Variants in TAOK3 observed in about 807,000 individuals in gnomAD.
TAOK3 encodes the protein serine/threonine-protein kinase TAO3.
A neutral mutation model predicts 120.4 loss-of-function variants in TAOK3; 40 were observed. That is an observed-to-expected ratio of 0.33 (90% CI 0.26 to 0.43). The LOEUF (loss-of-function observed/expected upper bound fraction) is 0.43, where lower values mean the gene tolerates loss of function less well. TAOK3 is among the 20% of genes least tolerant of loss of function. The pLI is 1.00. For synonymous variants in TAOK3, 355 were observed against 387.5 expected (o/e 0.92, Z 0.99); for missense variants, 821 against 1,112.1 (o/e 0.74, Z 3.72).
At chr12:118,172,775 A>G (rs1179306537) in intron 16 of TAOK3, 115 bp from the exon 17 acceptor site, 1 of 965,974 alleles carries the variant, frequency 1.0e-6, no homozygotes, top group South Asian at 1.4e-5. Context: ...AAGCACAGAA[A>G]AGCTTAGTGT....
chr12:118,360,612 G>A (rs1190769641), intron 1 of TAOK3, among the ~76,000 whole-genome samples: 1 of 150,044 alleles, frequency 6.7e-6, no homozygotes, highest in Admixed American at 6.7e-5. Flanking sequence ...TTCAACAAAT[G>A]CTTACTAATT....
intron 2 of TAOK3, among the ~76,000 whole-genome samples, chr12:118,256,285 G>A (rs993731931): frequency 3.9e-5 from 6 of 152,138 alleles, no homozygotes; most frequent in African/African-American, 1.4e-4. Flanking sequence ...TGAAAATGCT[G>A]AGAAATTAGA....
intron 9 of TAOK3, among the ~76,000 whole-genome samples, chr12:118,232,135 T>C (rs974105608): frequency 9.2e-5 from 14 of 152,190 alleles, no homozygotes; most frequent in African/African-American, 2.9e-4. Context: ...AGTATTTACA[T>C]CATGGAAATT....
intron 9 of TAOK3, among the ~76,000 whole-genome samples, chr12:118,215,966 G>A (rs1051963300): frequency 3.3e-5 from 5 of 151,866 alleles, no homozygotes; most frequent in African/African-American, 9.7e-5. Context: ...TTGGGAGGCC[G>A]AGGCCGGCAG....
At chr12:118,159,085 C>T (rs1054853072) in intron 19 of TAOK3, among the ~76,000 whole-genome samples, 42 of 152,312 alleles carry the variant, frequency 2.8e-4, no homozygotes, top group African/African-American at 9.9e-4. Flanking sequence ...TGGGTTCCTG[C>T]AATCTTCCTC....
chr12:118,174,777 C>A (rs992548045), intron 16 of TAOK3, among the ~76,000 whole-genome samples: 2 of 152,022 alleles, frequency 1.3e-5, no homozygotes, highest in South Asian at 4.1e-4. Context: ...ATTTGTCCTG[C>A]CTCAACCTCC....
chr12:118,350,903 G>A (rs1385520221), intron 1 of TAOK3, among the ~76,000 whole-genome samples: 2 of 151,282 alleles, frequency 1.3e-5, no homozygotes, highest in Non-Finnish European at 2.9e-5. Context: ...AAAAGGCCAG[G>A]TGTGGTGGTT....
At chr12:118,197,314 T>C (rs1297545852) in intron 13 of TAOK3, among the ~76,000 whole-genome samples, 1 of 152,180 alleles carries the variant, frequency 6.6e-6, no homozygotes, top group Admixed American at 6.5e-5. Flanking sequence ...TTTTTGTGGA[T>C]CAAATGCAAT....
At chr12:118,235,778 A>C in intron 7 of TAOK3, 107 bp from the exon 8 acceptor site, 2 of 676,932 alleles carry the variant, frequency 3.0e-6, no homozygotes, top group South Asian at 3.9e-5. Context: ...ACGAACAAAC[A>C]AACAAACAAA....
At chr12:118,304,056 G>T (rs2042967243) in intron 1 of TAOK3, among the ~76,000 whole-genome samples, 1 of 152,204 alleles carries the variant, frequency 6.6e-6, no homozygotes, top group South Asian at 2.1e-4. Flanking sequence ...GCTGAAGAGA[G>T]TCTGGCACTG....
At chr12:118,246,625 C>T in intron 3 of TAOK3, 3 of 1,574,596 alleles carry the variant, frequency 1.9e-6, no homozygotes, top group Non-Finnish European at 2.6e-6. Flanking sequence ...CACACTGTCC[C>T]TTGCAAGGTG....
intron 1 of TAOK3, among the ~76,000 whole-genome samples, chr12:118,290,270 C>A (rs573452124): frequency 1.3e-5 from 2 of 152,134 alleles, no homozygotes; most frequent in African/African-American, 4.8e-5. Flanking sequence ...CTTAGTAACT[C>A]CAAGGCCTCA....
chr12:118,257,442 T>A (rs544685548), intron 2 of TAOK3, among the ~76,000 whole-genome samples: 1 of 152,198 alleles, frequency 6.6e-6, no homozygotes, highest in Non-Finnish European at 1.5e-5. Flanking sequence ...TCTTTTTTAT[T>A]TTTTGAAAAA....
chr12:118,369,542 T>C (rs1321564377), intron 1 of TAOK3, among the ~76,000 whole-genome samples: 1 of 152,222 alleles, frequency 6.6e-6, no homozygotes, highest in African/African-American at 2.4e-5. Flanking sequence ...CAGTCAGAAA[T>C]GAGCTAACAA....
intron 3 of TAOK3, chr12:118,246,398 G>A (rs1339812511): frequency 6.4e-7 from 1 of 1,554,588 alleles, no homozygotes; most frequent in South Asian, 1.2e-5. Flanking sequence ...TCAAGGATGA[G>A]GTTTTGAAGA....
chr12:118,170,292 T>C (rs1032950258), intron 17 of TAOK3, among the ~76,000 whole-genome samples: 1 of 152,012 alleles, frequency 6.6e-6, no homozygotes, highest in Non-Finnish European at 1.5e-5. Context: ...TGCACTGTGG[T>C]CCTTTGAAGC....
intron 1 of TAOK3, among the ~76,000 whole-genome samples, chr12:118,327,265 C>T (rs11068908): frequency 0.19 from 29,622 of 152,080 alleles, 3,047 homozygotes; most frequent in African/African-American, 0.26. Context: ...TATCAAGTAA[C>T]TCCCACAAGA....
chr12:118,361,042 A>G (rs529713106), intron 1 of TAOK3, among the ~76,000 whole-genome samples: 69 of 152,374 alleles, frequency 4.5e-4, no homozygotes, highest in African/African-American at 1.7e-3. Context: ...AATTACTTGT[A>G]TATGCAGAAA....
intron 1 of TAOK3, among the ~76,000 whole-genome samples, chr12:118,361,297 T>C (rs1200289428): frequency 6.6e-6 from 1 of 152,202 alleles, no homozygotes; most frequent in Non-Finnish European, 1.5e-5. Context: ...ACAGCCATCG[T>C]GGATGTATGG....
Sources: allele counts gnomAD v4.1 joint callset (sites outside exome capture counted in the v4.1 genomes callset), GRCh38; gene constraint gnomAD v4.1.1; transcripts MANE v1.5; gene names NCBI Gene and HGNC (gene_info 2026-07-23, HGNC 2026-07-21).